Variants in TSC2 observed in about 807,000 individuals in gnomAD.
The protein encoded by TSC2 is TSC complex subunit 2.
Under a neutral mutation model 202.2 loss-of-function variants are expected in TSC2, and 29 were observed. That is an observed-to-expected ratio of 0.14 (90% CI 0.11 to 0.20). The LOEUF is 0.20. Among genes scored for constraint, TSC2 ranks in the 10% least tolerant of loss-of-function variants. TSC2 has a pLI of 1.00. For synonymous variants in TSC2, 1,349 were observed against 1,044.0 expected, an observed-to-expected ratio of 1.29 and a Z score of -5.63; for missense variants, 2,429 against 2,420.0, an observed-to-expected ratio of 1.00 and a Z score of -0.08.
At chr16:2,085,381 G>A (rs1316699857) in intron 36 of TSC2, 59 bp downstream of exon 36, 4 of 1,579,382 alleles carry the variant, frequency 2.5e-6, no homozygotes, top group South Asian at 1.1e-5. Flanking sequence ...TCAGCCTGCA[G>A]TGGGTAGGGA....
chr16:2,072,430 C>G (rs866060259), intron 20 of TSC2, 67 bp downstream of exon 20: 6 of 1,603,362 alleles, frequency 3.7e-6, no homozygotes, highest in Middle Eastern at 3.5e-4. Context: ...GACTGCGAGC[C>G]TCTGGGCAGA....
Position 2,081,797 on chromosome 16 carries a change from A to C in TSC2, c.3813A>C (p.Thr1271=). The C allele has an allele frequency of 6.2e-7, 1 of 1,612,122 alleles. No individual in the cohort carries two copies. The change falls in exon 31 of 42, where the codon ACA becomes ACC. Residue 1271 remains threonine (T), a splice_region_variant and synonymous_variant. Coordinates refer to ENST00000219476, the MANE Select transcript of TSC2 (RefSeq NM_000548.5). ...AKPPPLPRSN[T]VASFSSLYQS... is the part of the protein sequence containing the mutation. ...CCCCTCCTCTGCCTCGCTCCAACAC[A>C]GGTGAGTGGCATGGCGGGCCTTGGC...
In TSC2 at chr16:2,058,734, G is replaced by A. The variant is rs886051787; in HGVS notation, c.849-13G>A. ...CCCTGCTCACATTCCGTCTCTCTGG[G>A]GAACACTTTTAGAGCCTACATGGAG... On this transcript the variant is annotated splice_polypyrimidine_tract_variant and intron_variant, in intron 9 of 41. Coordinates refer to ENST00000219476, the MANE Select transcript of TSC2 (RefSeq NM_000548.5). The A allele has an allele frequency of 8.9e-6, 14 of 1,574,298 alleles. No individual in the cohort carries two copies. Among genetic ancestry groups the A allele is most frequent in the Non-Finnish European group, 1.1e-5 (13 of 1,159,950 alleles).
rs878854079 is a variant in TSC2, at chr16:2,071,879, T to C, written c.2042T>C (p.Leu681Pro). ...GPAPAGPAVRLGSVPYSLLFR... is the reference protein window; with the variant it reads ...GPAPAGPAVRPGSVPYSLLFR... ...GCGCCTGCAGGCCCCGCCGTGCGGC[T>C]GGGGTCCGTGCCCTACTCCCTGCTC... Residue 681 changes from leucine (L) to proline (P), a missense_variant, in exon 19 of 42, where the codon CTG (leucine) becomes CCG (proline). Physicochemically the swap from Leu to Pro is moderately conservative, Grantham distance 98. Transcript: ENST00000219476. 6 of 1,597,292 alleles carry C rather than the reference T, an allele frequency of 3.8e-6. No homozygotes were observed. Among genetic ancestry groups the C allele is most frequent in the South Asian group, 3.4e-5 (3 of 88,542 alleles).
chr16:2,065,719 T>G, intron 16 of TSC2, 84 bp downstream of exon 16: 1 of 1,255,148 alleles, frequency 8.0e-7, no homozygotes, highest in Non-Finnish European at 1.2e-6. Flanking sequence ...TTGGAGTCTG[T>G]TCCCCAGCGG....
At chr16:2,063,839 C>T (rs550437968) in intron 14 of TSC2, 246 of 319,548 alleles carry the variant, frequency 7.7e-4, no homozygotes, top group South Asian at 6.2e-3. Flanking sequence ...TCACGCTGTC[C>T]TCAGCACAGC....
In TSC2 at chr16:2,053,387, C is replaced by G. The variant is rs1555496979; in HGVS notation, c.271C>G (p.Pro91Ala). 6.3e-7 allele frequency: 1 copy of G among 1,591,802 alleles called. No individual in the cohort carries two copies. Among genetic ancestry groups the G allele is most frequent in the Non-Finnish European group, 8.5e-7 (1 of 1,170,294 alleles). The change falls in exon 4 of 42, where the codon CCG becomes GCG. Residue 91 changes from proline to alanine, a missense_variant. Coordinates refer to ENST00000219476, the MANE Select transcript of TSC2 (RefSeq NM_000548.5). Reference sequence around the variant, plus strand: ...GAAGGCGGTCGCGGATCTGTTGCAGCCGGAGCGGCCGCTGGAGGCCCGGCA... The same window carrying G: ...GAAGGCGGTCGCGGATCTGTTGCAGGCGGAGCGGCCGCTGGAGGCCCGGCA... ...LWKAVADLLQPERPLEARHAV... is the reference protein window; with the variant it reads ...LWKAVADLLQAERPLEARHAV...
At chr16:2,064,671 T>TC (rs2087076025) in intron 15 of TSC2, 1 of 609,998 alleles carries the variant, frequency 1.6e-6, no homozygotes. Context: ...GGGCTGGGCC[T>TC]CCTGGACCGA....
intron 24 of TSC2, 153 bp downstream of exon 24, chr16:2,076,323 G>A: frequency 6.4e-7 from 1 of 1,558,632 alleles, no homozygotes; most frequent in African/African-American, 1.4e-5. Flanking sequence ...CTGCTGGGCA[G>A]CCTGCAGGGC....
In TSC2 at chr16:2,076,566, C is replaced by T. The variant is rs1378325757; in HGVS notation, c.2818C>T (p.Leu940Phe). 6.2e-7 allele frequency: 1 copy of T among 1,613,194 alleles called. No homozygotes were observed. Among genetic ancestry groups the T allele is most frequent in the Admixed American group, 1.7e-5 (1 of 60,012 alleles). Residue 940 changes from leucine to phenylalanine, a missense_variant, in exon 25 of 42, where the codon CTC (leucine) becomes TTC (phenylalanine). Leu to Phe is a conservative substitution (Grantham distance 22). Transcript: ENST00000219476. ...CAGCTTCAGGGCCCGGAGTACTAGTCTCAACGAGAGACCCAAGAGGTACGG... is the reference window on the plus strand; with the variant it reads ...CAGCTTCAGGGCCCGGAGTACTAGTTTCAACGAGAGACCCAAGAGGTACGG... ...KDSFRARSTS[L>F]NERPKSLRIA...
Position 2,082,325 on chromosome 16 carries a change from GCCGCTGGCCCTGCCCTCTCTC to G in TSC2, c.3815-109_3815-89del. The stretch of plus-strand genomic sequence containing the variant: ...CTGGGCCCCGTGCGCGCCCCTGCCG[GCCGCTGGCCCTGCCCTCTCTC>G]CTCTGCAGGCACGGGGCCTGTGCTC... On this transcript the variant is annotated intron_variant, in intron 31 of 41. Coordinates refer to ENST00000219476, the MANE Select transcript of TSC2 (RefSeq NM_000548.5). 3.8e-6 allele frequency: 5 copies of G among 1,320,348 alleles called. No individual in the cohort carries two copies. The South Asian group carries it at 5.9e-5, about 16-fold the overall frequency. 81.8% of individuals were successfully genotyped at this position (1,320,348 alleles called of 1,614,324 possible). A position where few individuals can be genotyped will look rare whatever the true frequency, so the allele number is the denominator to read the frequency against.
rs45506695 is a variant in TSC2, at chr16:2,088,564, G to A, written c.5378G>A (p.Arg1793Gln). The change falls in exon 42 of 42, where the codon CGG becomes CAG. Residue 1793 changes from arginine to glutamine, a missense_variant. Transcript: ENST00000219476. ...ACACCTGGCTATGAGGTGGGCCAGCGGAAGCGCCTCATCTCCTCGGTGGAG... is the reference window on the plus strand; with the variant it reads ...ACACCTGGCTATGAGGTGGGCCAGCAGAAGCGCCTCATCTCCTCGGTGGAG... Reference protein sequence around the residue: ...EPTPGYEVGQRKRLISSVEDF... With the variant: ...EPTPGYEVGQQKRLISSVEDF... 106 of 1,610,402 alleles carry A rather than the reference G, an allele frequency of 6.6e-5. No homozygotes were observed. In the Admixed American group the frequency reaches 8.0e-4, roughly 12 times the overall value.
intron 1 of TSC2, 128 bp downstream of exon 1, chr16:2,048,193 G>GC: frequency 6.5e-7 from 1 of 1,533,448 alleles, no homozygotes. Context: ...GGAGCTCCGA[G>GC]CATCCCTTAG....
At chr16:2,069,674 G>A (rs1040101532) in intron 16 of TSC2, among the ~76,000 whole-genome samples, 2 of 152,094 alleles carry the variant, frequency 1.3e-5, no homozygotes, top group African/African-American at 4.8e-5. Flanking sequence ...TAGAGACAGG[G>A]TTTCACCATG....
At chr16:2,086,050 G>C in intron 36 of TSC2, 143 bp from the exon 37 acceptor site, 1 of 943,380 alleles carries the variant, frequency 1.1e-6, no homozygotes, top group Non-Finnish European at 1.6e-6. Context: ...TGTCTGGCCT[G>C]GGTGGCTGCT....
Position 2,087,096 on chromosome 16 carries a change from G to A in TSC2, c.4989+225G>A, listed in dbSNP as rs553794336. On this transcript the variant is annotated intron_variant, in intron 38 of 41. Transcript: ENST00000219476. ...GCTGAGTGTCTGTCAGGAGTAACTGGCAAGTGCAGACTGGGTGTGCTGGGT... is the reference window on the plus strand; with the variant it reads ...GCTGAGTGTCTGTCAGGAGTAACTGACAAGTGCAGACTGGGTGTGCTGGGT... 1.7e-5 allele frequency: 11 copies of A among 660,108 alleles called. No individual in the cohort carries two copies. The East Asian group carries it at 2.3e-4, about 14-fold the overall frequency. The allele number at this position is 660,108 out of a possible 1,614,324, so 40.9% of individuals were successfully genotyped here.
Position 2,080,166 on chromosome 16 carries a change from G to A in TSC2, c.3399G>A (p.Gly1133=), listed in dbSNP as rs2151455530. 1 of 1,612,924 alleles carries A rather than the reference G, an allele frequency of 6.2e-7. No individual in the cohort carries two copies. The highest frequency in any genetic ancestry group is 1.3e-5 in the African/African-American group (1 of 75,064). Residue 1133 remains glycine (G), a splice_region_variant and synonymous_variant, in exon 30 of 42, where the codon GGG becomes GGA. Coordinates refer to ENST00000219476, the MANE Select transcript of TSC2 (RefSeq NM_000548.5). ...CCAGTCCTCTGCCCTCTTCTTCAGG[G>A]GGCCATGGTCTTCGAGTTGGCGCCC... The part of the protein sequence containing the change: ...GARDRVRSMS[G]GHGLRVGALD...
chr16:2,085,059 G>T, intron 35 of TSC2, 33 bp downstream of exon 35: 7 of 1,612,394 alleles, frequency 4.3e-6, no homozygotes, highest in Non-Finnish European at 5.9e-6. Flanking sequence ...GCATCCGCTG[G>T]AGCTGTGTGG....
chr16:2,053,520 G>C, intron 4 of TSC2, 68 bp downstream of exon 4: 5 of 1,461,276 alleles, frequency 3.4e-6, no homozygotes, highest in Non-Finnish European at 3.7e-6. Context: ...TCCCTGCTGG[G>C]CCGTGTTTGG....
Sources: gnomAD v4.1 joint callset for allele counts (sites outside exome capture counted in the v4.1 genomes callset) on GRCh38, gnomAD v4.1.1 for gene constraint, MANE v1.5 for transcripts, NCBI Gene and HGNC (gene_info 2026-07-23, HGNC 2026-07-21) for gene names.